The following TYW1 variants were observed in gnomAD, a reference collection of about 807,000 sequenced individuals.
TYW1 encodes tRNA-yW synthesizing protein 1 homolog.
In TYW1, 46 loss-of-function variants were observed where a neutral mutation model predicts 96.2. The observed-to-expected ratio is 0.48, with a 90% CI of 0.38 to 0.61. The LOEUF (loss-of-function observed/expected upper bound fraction) is 0.61. Ranked by LOEUF, TYW1 falls within the 20% of genes least tolerant of loss-of-function variation. The pLI, the probability that TYW1 is intolerant of heterozygous loss-of-function variation, is 0.00. For synonymous variants in TYW1, 274 were observed against 323.0 expected (o/e 0.85, Z 1.63); for missense variants, 684 against 909.6 (o/e 0.75, Z 3.19).
intron 10 of TYW1, among the ~76,000 whole-genome samples, chr7:67,072,174 C>A (rs1796048404): frequency 6.7e-6 from 1 of 149,510 alleles, no homozygotes; most frequent in African/African-American, 2.5e-5. Flanking sequence ...GTATTGTTTA[C>A]CTCAACTATA....
chr7:67,229,818 G>A lies in TYW1; in HGVS notation c.1978-8490G>A, dbSNP rs568074252. ...AACGTTAAAACATTAGCTGGATATG[G>A]TGGCATGCACTGTAGTCCCAGCTCT... On this transcript the variant is annotated intron_variant, in intron 15 of 15. Coordinates refer to ENST00000359626, the MANE Select transcript of TYW1 (RefSeq NM_018264.4). 5.3e-5 allele frequency among the ~76,000 whole-genome samples: 8 copies of A among 152,278 alleles called. No homozygotes were observed. In the South Asian group the frequency reaches 1.7e-3, roughly 32 times the overall value.
chr7:67,043,536 A>T (rs749177617), intron 7 of TYW1, among the ~76,000 whole-genome samples: 5 of 152,186 alleles, frequency 3.3e-5, no homozygotes, highest in Non-Finnish European at 7.3e-5. Context: ...AAATTGCAGA[A>T]GGATCTCAGT....
chr7:67,129,685 AGAAGGCTC>A (rs1157927382), intron 13 of TYW1, among the ~76,000 whole-genome samples: 4 of 152,256 alleles, frequency 2.6e-5, no homozygotes, highest in African/African-American at 9.6e-5. Flanking sequence ...ATTGGAAACT[AGAAGGCTC>A]GTAGGGGTTA....
chr7:67,168,032 T>A (rs147224204), intron 13 of TYW1, among the ~76,000 whole-genome samples: 5,796 of 151,996 alleles, frequency 0.038, 310 homozygotes, highest in East Asian at 0.16. Flanking sequence ...GGATTATAGG[T>A]GTGAGCCCCA....
chr7:66,998,300 G>T, intron 2 of TYW1, 105 bp downstream of exon 2: 1 of 1,417,822 alleles, frequency 7.1e-7, no homozygotes, highest in Non-Finnish European at 9.4e-7. Context: ...TTGGTCTTTA[G>T]ACATTTTAAT....
chr7:67,055,818 C>T lies in TYW1; in HGVS notation c.1103-17C>T. 1 of 1,604,672 alleles carries T rather than the reference C, an allele frequency of 6.2e-7. No homozygotes were observed. On this transcript the variant is annotated splice_polypyrimidine_tract_variant and intron_variant, in intron 8 of 15. Transcript: ENST00000359626. ...TTTGGATCAGTCCAACTTTGTGTTC[C>T]CTGCTTTTCCACTCAGGTTATCAGT...
chr7:67,063,283 A>G (rs1440342758), intron 9 of TYW1, among the ~76,000 whole-genome samples: 1 of 152,218 alleles, frequency 6.6e-6, no homozygotes, highest in Non-Finnish European at 1.5e-5. Flanking sequence ...AAATAGAGGA[A>G]TATTAACCTC....
intron 13 of TYW1, among the ~76,000 whole-genome samples, chr7:67,163,217 A>G (rs1799215137): frequency 6.6e-6 from 1 of 152,162 alleles, no homozygotes; most frequent in African/African-American, 2.4e-5. Context: ...ATGAGGAAAC[A>G]TTGCTCCATA....
chr7:67,202,827 T>C (rs186231158), intron 15 of TYW1, among the ~76,000 whole-genome samples: 2 of 152,350 alleles, frequency 1.3e-5, no homozygotes, highest in African/African-American at 4.8e-5. Context: ...ACCAAGTCTT[T>C]ACTTTAAAAC....
rs60661089 is a variant in TYW1, at chr7:67,162,313, CAAAAAA to C, written c.1699-20795_1699-20790del. Among the ~76,000 whole-genome samples the C allele has an allele frequency of 1.6e-3, 160 of 102,170 alleles. 1 individual carries two copies. Among genetic ancestry groups the C allele is most frequent in the African/African-American group, 5.2e-3 (152 of 29,416 alleles). The allele number at this position is 102,170 out of a possible 152,430, so 67.0% of individuals were successfully genotyped here. ...TGGGTGACAGAGCAAGACTCTGTCT[CAAAAAA>C]AAAAAAAAAAAAAAAAATTCTGAAC... is the stretch of plus-strand genomic sequence containing the variant. On this transcript the variant is annotated intron_variant, in intron 13 of 15. Coordinates refer to ENST00000359626, the MANE Select transcript of TYW1 (RefSeq NM_018264.4).
chr7:67,149,722 ATATC>A (rs59266321), intron 13 of TYW1, among the ~76,000 whole-genome samples: 12,522 of 140,004 alleles, frequency 0.089, 568 homozygotes, highest in East Asian at 0.13. Context: ...AGGAAAAAAA[ATATC>A]TATCTATCTA....
chr7:67,030,600 A>G (rs1794640627), intron 7 of TYW1, among the ~76,000 whole-genome samples: 1 of 152,082 alleles, frequency 6.6e-6, no homozygotes, highest in African/African-American at 2.4e-5. Context: ...CCATTGTACC[A>G]TGACTGGCCC....
intron 3 of TYW1, among the ~76,000 whole-genome samples, chr7:67,002,501 G>C (rs964200805): frequency 6.6e-6 from 1 of 152,178 alleles, no homozygotes; most frequent in Non-Finnish European, 1.5e-5. Flanking sequence ...CAGCATGTTA[G>C]TATTGCTAAT....
chr7:67,179,710 G>T (rs1469759320), intron 13 of TYW1, among the ~76,000 whole-genome samples: 1 of 139,038 alleles, frequency 7.2e-6, no homozygotes, highest in Non-Finnish European at 1.6e-5. Context: ...CAGATGAATT[G>T]TAAACTCTCA....
intron 13 of TYW1, among the ~76,000 whole-genome samples, chr7:67,166,255 C>CA (rs1799318289): frequency 7.5e-6 from 1 of 133,346 alleles, no homozygotes; most frequent in South Asian, 2.4e-4. Flanking sequence ...AACCTCTCAA[C>CA]AAAAAACAAA....
chr7:67,006,438 C>CCTT (rs1486782677), intron 3 of TYW1, among the ~76,000 whole-genome samples: 1 of 114,760 alleles, frequency 8.7e-6, no homozygotes, highest in South Asian at 2.8e-4. Flanking sequence ...TTCTTTTTTC[C>CCTT]TTTTTTTTTT....
intron 15 of TYW1, among the ~76,000 whole-genome samples, chr7:67,207,156 C>A (rs6951443): frequency 0.61 from 92,788 of 151,990 alleles, 28,421 homozygotes; most frequent in Middle Eastern, 0.71. Context: ...TGTACATATA[C>A]CAAGCATGCC....
At chr7:67,229,229 TG>T (rs1331521797) in intron 15 of TYW1, among the ~76,000 whole-genome samples, 1 of 152,122 alleles carries the variant, frequency 6.6e-6, no homozygotes, top group Non-Finnish European at 1.5e-5. Flanking sequence ...CAAGAGAAGT[TG>T]AAGTACCTTA....
At chr7:67,232,329 G>A (rs1296351905) in intron 15 of TYW1, among the ~76,000 whole-genome samples, 1 of 150,324 alleles carries the variant, frequency 6.7e-6, no homozygotes, top group African/African-American at 2.5e-5. Flanking sequence ...ATTTGAGAAT[G>A]GGAGACTAAA....
Sources: gnomAD v4.1 joint callset for allele counts (sites outside exome capture counted in the v4.1 genomes callset) on GRCh38, gnomAD v4.1.1 for gene constraint, MANE v1.5 for transcripts, NCBI Gene and HGNC (gene_info 2026-07-23, HGNC 2026-07-21) for gene names.